Variants in EYS observed in about 807,000 individuals in gnomAD.
EYS encodes the protein EGF-like photoreceptor maintenance factor, also known as protein eyes shut homolog.
In EYS, 250 loss-of-function variants were observed where a neutral mutation model predicts 282.1. The observed-to-expected ratio is 0.89, with a 90% CI of 0.80 to 0.98. The LOEUF (loss-of-function observed/expected upper bound fraction) is 0.98, where lower values mean the gene tolerates loss of function less well. Ranked by LOEUF, EYS falls within the 50% of genes least tolerant of loss-of-function variation. EYS has a pLI of 0.00. For missense variants in EYS, 4,016 were observed against 3,709.0 expected (o/e 1.08, Z -2.15); for synonymous variants, 1,355 against 1,282.9 (o/e 1.06, Z -1.20).
At chr6:65,045,303 T>C (rs749230696) in intron 13 of EYS, among the ~76,000 whole-genome samples, 5 of 151,934 alleles carry the variant, frequency 3.3e-5, no homozygotes, top group Non-Finnish European at 7.4e-5. Flanking sequence ...TTTAACTCTG[T>C]GCTTCTCACT....
Position 65,317,701 on chromosome 6 carries a change from C to T in EYS, c.1766+17279G>A, listed in dbSNP as rs191813351. On this transcript the variant is annotated intron_variant, in intron 11 of 42. Transcript: ENST00000503581. ...CAAGGCTTGGCTGGGGCTGGAGAATCCACTGTTAAGCTCACTCACTTGGAT... is the reference window on the plus strand; with the variant it reads ...CAAGGCTTGGCTGGGGCTGGAGAATTCACTGTTAAGCTCACTCACTTGGAT... Among the ~76,000 whole-genome samples the T allele has an allele frequency of 6.8e-3, 1,034 of 152,102 alleles. 7 individuals carry two copies. Among genetic ancestry groups the T allele is most frequent in the Middle Eastern group, 0.031 (9 of 294 alleles).
At chr6:65,151,251 T>C (rs1385724724) in intron 12 of EYS, among the ~76,000 whole-genome samples, 1 of 152,048 alleles carries the variant, frequency 6.6e-6, no homozygotes, top group Non-Finnish European at 1.5e-5. Flanking sequence ...TGTGTAATTG[T>C]ATCGAAAACT....
chr6:65,191,249 A>G (rs533031682), intron 12 of EYS, among the ~76,000 whole-genome samples: 158 of 151,960 alleles, frequency 1.0e-3, no homozygotes, highest in African/African-American at 3.7e-3. Flanking sequence ...TGTTAAATTT[A>G]TATGTTTAGT....
chr6:64,435,845 T>C (rs573599784), intron 28 of EYS, among the ~76,000 whole-genome samples: 1 of 151,934 alleles, frequency 6.6e-6, no homozygotes, highest in Non-Finnish European at 1.5e-5. Flanking sequence ...TGCCACATTT[T>C]CTACACTGAA....
chr6:64,449,355 G>A (rs1334509370), intron 26 of EYS, among the ~76,000 whole-genome samples: 7 of 152,266 alleles, frequency 4.6e-5, no homozygotes, highest in East Asian at 1.9e-4. Context: ...ATGGGACTAC[G>A]TGAAAAGACC....
intron 33 of EYS, among the ~76,000 whole-genome samples, chr6:64,005,979 A>G (rs1241020347): frequency 3.3e-5 from 5 of 152,164 alleles, no homozygotes; most frequent in Non-Finnish European, 7.4e-5. Flanking sequence ...TATGAATTTT[A>G]AAATAGTTTT....
At chr6:64,561,460 A>C (rs989536600) in intron 26 of EYS, among the ~76,000 whole-genome samples, 2 of 152,160 alleles carry the variant, frequency 1.3e-5, no homozygotes, top group Admixed American at 1.3e-4. Context: ...TTGAACTGAT[A>C]AGCAACTTCA....
chr6:65,608,807 AC>A (rs1765892283), intron 2 of EYS, among the ~76,000 whole-genome samples: 1 of 152,054 alleles, frequency 6.6e-6, no homozygotes, highest in Non-Finnish European at 1.5e-5. Context: ...TAAGATACAA[AC>A]ACACATATTA....
chr6:64,110,515 G>C (rs866540538), intron 31 of EYS, among the ~76,000 whole-genome samples: 21 of 151,888 alleles, frequency 1.4e-4, no homozygotes, highest in African/African-American at 5.1e-4. Context: ...ATGCCTGTAT[G>C]GTGTTTGTTG....
At chr6:65,273,887 G>C (rs1767971564) in intron 12 of EYS, among the ~76,000 whole-genome samples, 1 of 152,046 alleles carries the variant, frequency 6.6e-6, no homozygotes, top group Non-Finnish European at 1.5e-5. Flanking sequence ...TCTCCATATT[G>C]GTCTCTCCTG....
At chr6:64,313,615 G>A (rs1301343138) in intron 29 of EYS, among the ~76,000 whole-genome samples, 1 of 152,146 alleles carries the variant, frequency 6.6e-6, no homozygotes, top group East Asian at 1.9e-4. Flanking sequence ...AGGCAAAAAT[G>A]TTAAGGGCAG....
chr6:64,685,305 A>T (rs1293408306), intron 22 of EYS, among the ~76,000 whole-genome samples: 13 of 10,828 alleles, frequency 1.2e-3, no homozygotes, highest in Admixed American at 4.6e-3. Context: ...ACTTGATTTA[A>T]AAAAAATCTC....
chr6:63,921,809 AGGTC>A (rs1764581003), intron 35 of EYS, among the ~76,000 whole-genome samples: 1 of 152,244 alleles, frequency 6.6e-6, no homozygotes, highest in African/African-American at 2.4e-5. Context: ...AAGTGTTGAG[AGGTC>A]CATTCAAACA....
At chr6:64,965,192 A>C (rs1372445559) in intron 14 of EYS, among the ~76,000 whole-genome samples, 1 of 152,146 alleles carries the variant, frequency 6.6e-6, no homozygotes, top group Non-Finnish European at 1.5e-5. Context: ...GTATTTGCTA[A>C]ATATGTATTA....
chr6:63,863,731 A>G (rs1269478193), intron 36 of EYS, among the ~76,000 whole-genome samples: 2 of 132,334 alleles, frequency 1.5e-5, no homozygotes, highest in Non-Finnish European at 3.1e-5. Flanking sequence ...GCTGGAGTGC[A>G]GTGGTGCAAT....
intron 31 of EYS, among the ~76,000 whole-genome samples, chr6:64,168,228 T>G (rs1314067211): frequency 6.6e-6 from 1 of 151,768 alleles, no homozygotes; most frequent in Non-Finnish European, 1.5e-5. Flanking sequence ...GCCACTGCAC[T>G]CCAGCCTGGG....
At chr6:64,347,888 A>T (rs1561943949) in intron 29 of EYS, among the ~76,000 whole-genome samples, 1 of 151,368 alleles carries the variant, frequency 6.6e-6, no homozygotes, top group Non-Finnish European at 1.5e-5. Flanking sequence ...ACACAAAAAA[A>T]TTCACCTTAT....
At chr6:65,701,903 T>C (rs1257071890) in intron 1 of EYS, among the ~76,000 whole-genome samples, 1 of 152,228 alleles carries the variant, frequency 6.6e-6, no homozygotes, top group Non-Finnish European at 1.5e-5. Flanking sequence ...AGTTGCATTC[T>C]TTTAATACTT....
intron 7 of EYS, among the ~76,000 whole-genome samples, chr6:65,395,016 C>A (rs994112329): frequency 1.3e-5 from 2 of 152,178 alleles, no homozygotes; most frequent in African/African-American, 4.8e-5. Context: ...CATTTAACCT[C>A]TGACATGTTA....
Sources: gnomAD v4.1 joint callset for allele counts (sites outside exome capture counted in the v4.1 genomes callset) on GRCh38, gnomAD v4.1.1 for gene constraint, MANE v1.5 for transcripts, NCBI Gene and HGNC (gene_info 2026-07-23, HGNC 2026-07-21) for gene names.